Variants in NANOGNB observed in about 807,000 individuals in gnomAD.
NANOGNB encodes the protein NANOG neighbor homeobox.
In NANOGNB, 30 loss-of-function variants were observed where a neutral mutation model predicts 25.0. The observed-to-expected ratio is 1.20, with a 90% CI of 0.90 to 1.63. NANOGNB has a LOEUF of 1.63. Among genes scored for constraint, NANOGNB ranks in the 40% most tolerant of loss-of-function variants. The pLI is 0.00. For missense variants in NANOGNB, 200 were observed against 188.1 expected (o/e 1.06, Z -0.37); for synonymous variants, 84 against 62.1 (o/e 1.35, Z -1.66).
At chr12:7,765,491 A>G (rs1222473255) in intron 1 of NANOGNB, 104 bp downstream of exon 1, 2 of 230,510 alleles carry the variant, frequency 8.7e-6, no homozygotes, top group Non-Finnish European at 1.7e-5. Context: ...AATGGCGTGA[A>G]CCCGGGAGGC....
intron 1 of NANOGNB, among the ~76,000 whole-genome samples, chr12:7,767,224 T>C (rs754816563): frequency 5.3e-5 from 8 of 152,060 alleles, no homozygotes; most frequent in Non-Finnish European, 1.2e-4. Context: ...GAAAGCCTGA[T>C]TGGAGAATAT....
intron 1 of NANOGNB, among the ~76,000 whole-genome samples, chr12:7,765,685 G>A (rs1865239874): frequency 6.6e-6 from 1 of 151,634 alleles, no homozygotes; most frequent in Non-Finnish European, 1.5e-5. Flanking sequence ...GTGAAAGACA[G>A]CACCAAGCTT....
intron 1 of NANOGNB, among the ~76,000 whole-genome samples, chr12:7,766,505 A>C (rs948915117): frequency 6.6e-6 from 1 of 152,076 alleles, no homozygotes; most frequent in East Asian, 1.9e-4. Flanking sequence ...ACAAAACAAA[A>C]CAAACCCACT....
chr12:7,772,153 C>T (rs1862573886), intron 3 of NANOGNB, among the ~76,000 whole-genome samples: 1 of 152,202 alleles, frequency 6.6e-6, no homozygotes, highest in South Asian at 2.1e-4. Context: ...CAATGCTTTA[C>T]TTACAGAGCA....
chr12:7,771,516 G>T (rs1194031925), intron 3 of NANOGNB, among the ~76,000 whole-genome samples: 1 of 152,106 alleles, frequency 6.6e-6, no homozygotes, highest in Non-Finnish European at 1.5e-5. Flanking sequence ...ACCGCGCCCA[G>T]CCAATATCAA....
chr12:7,767,437 G>A (rs1203720326), intron 1 of NANOGNB, among the ~76,000 whole-genome samples: 3 of 148,508 alleles, frequency 2.0e-5, no homozygotes, highest in South Asian at 2.1e-4. Flanking sequence ...GGTGGCTCAC[G>A]CCTGTAATCC....
chr12:7,770,298 G>C lies in NANOGNB; in HGVS notation c.418G>C (p.Asp140His). 2 of 1,531,430 alleles carry C rather than the reference G, an allele frequency of 1.3e-6. No individual in the cohort carries two copies. 94.9% of individuals were successfully genotyped at this position (1,531,430 alleles called of 1,614,324 possible). Residue 140 changes from aspartate to histidine, a missense_variant, in exon 2 of 4, where the codon GAC (aspartate) becomes CAC (histidine). Coordinates refer to ENST00000382119, the MANE Select transcript of NANOGNB (RefSeq NM_001145465.1). ...GAGTCTATCACTGTCATTTGAATTTGACATGACACATAAACAGGTATGACA... is the reference window on the plus strand; with the variant it reads ...GAGTCTATCACTGTCATTTGAATTTCACATGACACATAAACAGGTATGACA... ...QESLSLSFEF[D>H]MTHKQISQWF...
Position 7,769,157 on chromosome 12 carries a change from A to C in NANOGNB, c.103-826A>C, listed in dbSNP as rs112677626. Reference sequence around the variant, plus strand: ...AATTCCCTGCAATGAATTTCTTCTTATTTTTATTTTTATTTTTTTTGAGAC... The same window carrying C: ...AATTCCCTGCAATGAATTTCTTCTTCTTTTTATTTTTATTTTTTTTGAGAC... On this transcript the variant is annotated intron_variant, in intron 1 of 3. Coordinates refer to ENST00000382119, the MANE Select transcript of NANOGNB (RefSeq NM_001145465.1). Among the ~76,000 whole-genome samples, 621 of 151,734 alleles carry C rather than the reference A, an allele frequency of 4.1e-3. 7 individuals carry two copies. Among genetic ancestry groups the C allele is most frequent in the African/African-American group, 0.013 (559 of 41,420 alleles).
chr12:7,768,148 A>G (rs1555109135), intron 1 of NANOGNB, among the ~76,000 whole-genome samples: 1 of 152,182 alleles, frequency 6.6e-6, no homozygotes, highest in Non-Finnish European at 1.5e-5. Flanking sequence ...GTCATATGGT[A>G]ACTTTAAATT....
chr12:7,766,505 A>G (rs948915117), intron 1 of NANOGNB, among the ~76,000 whole-genome samples: 1 of 152,076 alleles, frequency 6.6e-6, no homozygotes, highest in Non-Finnish European at 1.5e-5. Flanking sequence ...ACAAAACAAA[A>G]CAAACCCACT....
intron 3 of NANOGNB, 79 bp from the exon 4 acceptor site, chr12:7,773,721 A>T (rs1051299856): frequency 1.1e-5 from 6 of 538,046 alleles, no homozygotes; most frequent in Non-Finnish European, 1.6e-5. Context: ...GTGAAACTCC[A>T]TCTCAAAAAA....
At chr12:7,768,741 C>T (rs918354501) in intron 1 of NANOGNB, among the ~76,000 whole-genome samples, 1 of 152,012 alleles carries the variant, frequency 6.6e-6, no homozygotes, top group Non-Finnish European at 1.5e-5. Flanking sequence ...ACTGTGTTAG[C>T]CAGGATGGTC....
chr12:7,773,771 CTCTT>C, intron 3 of NANOGNB, 25 bp from the exon 4 acceptor site: 1 of 554,932 alleles, frequency 1.8e-6, no homozygotes. Flanking sequence ...TGTTGCGAAA[CTCTT>C]TTTTTTTTTT....
Position 7,770,164 on chromosome 12 carries a change from G to A in NANOGNB, c.284G>A (p.Arg95Lys), listed in dbSNP as rs763066551. ...GATGAACAGGAAAACAAAAGGAAAA[G>A]GGAAAATGAGAAACAGAAACAGTAT... ...LQDEQENKRK[R>K]ENEKQKQYPE... The change falls in exon 2 of 4, where the codon AGG (arginine) becomes AAG (lysine). Residue 95 changes from arginine (R) to lysine (K), a missense_variant. Coordinates refer to ENST00000382119, the MANE Select transcript of NANOGNB (RefSeq NM_001145465.1). 7.1e-6 allele frequency: 11 copies of A among 1,551,012 alleles called. No individual in the cohort carries two copies. The highest frequency in any genetic ancestry group is 9.6e-6 in the Non-Finnish European group (11 of 1,146,504).
In NANOGNB at chr12:7,770,090, C is replaced by T. The variant is rs920696549; in HGVS notation, c.210C>T (p.Gly70=). Residue 70 remains glycine, a synonymous_variant, in exon 2 of 4, where the codon GGC becomes GGT. Coordinates refer to ENST00000382119, the MANE Select transcript of NANOGNB (RefSeq NM_001145465.1). ...KQKWREEGEA[G]RKREREKEEK... ...AATGGAGAGAAGAAGGAGAAGCAGG[C>T]AGAAAGAGAGAACGAGAAAAAGAAG... The T allele has an allele frequency of 3.9e-6, 6 of 1,537,546 alleles. No individual in the cohort carries two copies. The highest frequency in any genetic ancestry group is 1.2e-5 in the South Asian group (1 of 83,408).
intron 3 of NANOGNB, among the ~76,000 whole-genome samples, chr12:7,773,398 G>A (rs1020747615): frequency 6.6e-6 from 1 of 151,580 alleles, no homozygotes; most frequent in Non-Finnish European, 1.5e-5. Flanking sequence ...ATTTTGATGT[G>A]TATATTAAAT....
intron 1 of NANOGNB, among the ~76,000 whole-genome samples, chr12:7,769,620 G>A (rs768326441): frequency 2.0e-5 from 3 of 152,116 alleles, no homozygotes; most frequent in South Asian, 4.2e-4. Flanking sequence ...ACCACCTCCC[G>A]GGTTAAAGTG....
intron 1 of NANOGNB, among the ~76,000 whole-genome samples, chr12:7,768,058 A>C (rs1380423773): frequency 6.6e-6 from 1 of 152,154 alleles, no homozygotes; most frequent in Admixed American, 6.6e-5. Context: ...AGCATGAATC[A>C]GTATTTTATT....
chr12:7,768,378 C>T (rs1409480043), intron 1 of NANOGNB, among the ~76,000 whole-genome samples: 2 of 152,148 alleles, frequency 1.3e-5, no homozygotes, highest in Non-Finnish European at 2.9e-5. Flanking sequence ...TCATAATGGA[C>T]ATTAATCTAT....
Sources: gnomAD v4.1 joint callset for allele counts (sites outside exome capture counted in the v4.1 genomes callset) on GRCh38, gnomAD v4.1.1 for gene constraint, MANE v1.5 for transcripts, NCBI Gene and HGNC (gene_info 2026-07-23, HGNC 2026-07-21) for gene names.